Variants in SLC22A12 observed in about 807,000 individuals in gnomAD.
SLC22A12 encodes the protein solute carrier family 22 member 12, also known as organic anion transporter 4-like protein.
Under a neutral mutation model 52.7 loss-of-function variants are expected in SLC22A12, and 56 were observed. The observed-to-expected ratio is 1.06, with a 90% CI of 0.86 to 1.33. SLC22A12 has a LOEUF of 1.33. Among genes scored for constraint, SLC22A12 ranks in the 40% most tolerant of loss-of-function variants. SLC22A12 has a pLI of 0.00. For missense variants in SLC22A12, 683 were observed against 741.5 expected (o/e 0.92, Z 0.92); for synonymous variants, 337 against 324.6 (o/e 1.04, Z -0.41).
At position 64,591,418 on chromosome 11, in the gene SLC22A12, TC is replaced by T; in HGVS notation, c.-138del. ...GAGAGCCTGAGCCTCCGGCCCCGAG[TC>T]TGTGAAGCCTAGCCGCTGGGCTGGA... On this transcript the variant is annotated 5_prime_UTR_variant, in exon 1 of 10. The change abolishes the stop of an existing upstream ORF in the 5' untranslated region. Transcript: ENST00000377574. 1 of 1,165,380 alleles carries T rather than the reference TC, an allele frequency of 8.6e-7. No individual in the cohort carries two copies. Among genetic ancestry groups the T allele is most frequent in the Non-Finnish European group, 1.2e-6 (1 of 822,912 alleles). 72.2% of individuals were successfully genotyped at this position (1,165,380 alleles called of 1,614,324 possible).
Position 64,591,632 on chromosome 11 carries a change from G to T in SLC22A12, c.76G>T (p.Val26Phe). Reference sequence around the variant, plus strand: ...GGTTCTCCAGACGATGGCTCTGATGGTCTCCATCATGTGGCTGTGTACCCA... The same window carrying T: ...GGTTCTCCAGACGATGGCTCTGATGTTCTCCATCATGTGGCTGTGTACCCA... ...FQVLQTMALMVSIMWLCTQSM... is the reference protein window; with the variant it reads ...FQVLQTMALMFSIMWLCTQSM... The change falls in exon 1 of 10, where the codon GTC (valine) becomes TTC (phenylalanine). Residue 26 changes from valine to phenylalanine, a missense_variant. By Grantham distance (50) the Val-to-Phe change is conservative (BLOSUM62 -1). Coordinates refer to ENST00000377574, the MANE Select transcript of SLC22A12 (RefSeq NM_144585.4). 2 of 1,613,230 alleles carry T rather than the reference G, an allele frequency of 1.2e-6. No individual in the cohort carries two copies. The highest frequency in any genetic ancestry group is 1.3e-5 in the African/African-American group (1 of 75,038).
intron 4 of SLC22A12, among the ~76,000 whole-genome samples, chr11:64,595,078 A>ATG (rs2039081145): frequency 2.2e-5 from 1 of 46,276 alleles, no homozygotes; most frequent in Non-Finnish European, 4.4e-5. Context: ...ATGGATGGAT[A>ATG]GATGGATAGA....
chr11:64,597,076 G>A (rs2039270130), intron 4 of SLC22A12, among the ~76,000 whole-genome samples: 1 of 152,124 alleles, frequency 6.6e-6, no homozygotes, highest in Non-Finnish European at 1.5e-5. Context: ...CTGTGCTTAG[G>A]GCTTGACGAA....
chr11:64,592,780 G>A lies in SLC22A12; in HGVS notation c.404G>A (p.Trp135Ter). ...CTCAGCCTCCTCCTCTCCCATCAGT[G>A]GAACCTCGTGTGTGACTCTCATGCT... The part of the protein sequence containing the change: ...SIFTSTIVAK[W>*]NLVCDSHALK... The change falls in exon 2 of 10, where the codon TGG (tryptophan) becomes TAG (stop). Residue 135 changes from tryptophan to a stop codon, truncating the protein, a stop_gained and splice_region_variant. Transcript: ENST00000377574. LOFTEE classifies it high-confidence loss of function. 2 of 1,613,122 alleles carry A rather than the reference G, an allele frequency of 1.2e-6. No individual in the cohort carries two copies. The highest frequency in any genetic ancestry group is 8.5e-7 in the Non-Finnish European group (1 of 1,179,482).
In SLC22A12 at chr11:64,601,571, T is replaced by A. The variant is rs1430476312; in HGVS notation, c.*20T>A. 2.2e-5 allele frequency: 36 copies of A among 1,613,208 alleles called. No individual in the cohort carries two copies. The highest frequency in any genetic ancestry group is 3.1e-5 in the Non-Finnish European group (36 of 1,179,504). ...TTTTAGCCTCCTGGGGAACCTGCGA[T>A]GGGACGGTCAGAGGAAGAGACTTCT... On this transcript the variant is annotated 3_prime_UTR_variant, in exon 10 of 10. Transcript: ENST00000377574.
rs375484950 is a variant in SLC22A12 at position 64,601,674 on chromosome 11, A to T, written c.*123A>T. ...CCAGAGGCTGCCCTCTGAGGTCCCCACTCTCCCCCAGGGCTGCCCCTCCAG... is the reference window on the plus strand; with the variant it reads ...CCAGAGGCTGCCCTCTGAGGTCCCCTCTCTCCCCCAGGGCTGCCCCTCCAG... On this transcript the variant is annotated 3_prime_UTR_variant, in exon 10 of 10. Transcript: ENST00000377574. 352 of 1,094,766 alleles carry T rather than the reference A, an allele frequency of 3.2e-4. 2 individuals carry two copies. In the African/African-American group the frequency reaches 5.3e-3, roughly 16 times the overall value. 67.8% of individuals were successfully genotyped at this position (1,094,766 alleles called of 1,614,324 possible).
rs1039630083 is a variant in SLC22A12, at chr11:64,598,457, C to T, written c.831-59C>T. ...GTACAGGGTAGCAGTCTGAGGCTGG[C>T]GCAGGCCAGGCACTGGGGGCCACAG... is the stretch of plus-strand genomic sequence containing the variant. On this transcript the variant is annotated intron_variant, in intron 4 of 9. Coordinates refer to ENST00000377574, the MANE Select transcript of SLC22A12 (RefSeq NM_144585.4). 169 of 1,547,634 alleles carry T rather than the reference C, an allele frequency of 1.1e-4. No homozygotes were observed. In the Middle Eastern group the frequency reaches 2.5e-3, roughly 22 times the overall value.
Position 64,591,687 on chromosome 11 carries a change from T to A in SLC22A12, c.131T>A (p.Val44Glu). 1 of 1,612,306 alleles carries A rather than the reference T, an allele frequency of 6.2e-7. No individual in the cohort carries two copies. The highest frequency in any genetic ancestry group is 8.5e-7 in the Non-Finnish European group (1 of 1,180,002). ...QSMLENFSAA[V>E]PSHRCWAPLL... ...ATGCTGGAGAACTTCTCGGCCGCCGTGCCCAGCCACCGCTGCTGGGCACCC... is the reference window on the plus strand; with the variant it reads ...ATGCTGGAGAACTTCTCGGCCGCCGAGCCCAGCCACCGCTGCTGGGCACCC... Residue 44 changes from valine (V) to glutamate (E), a missense_variant, in exon 1 of 10, where the codon GTG becomes GAG. Coordinates refer to ENST00000377574, the MANE Select transcript of SLC22A12 (RefSeq NM_144585.4).
intron 7 of SLC22A12, 107 bp downstream of exon 7, chr11:64,599,997 A>G (rs1238806045): frequency 7.2e-7 from 1 of 1,389,190 alleles, no homozygotes; most frequent in African/African-American, 1.4e-5. Context: ...GTACCCTGGT[A>G]GGAAGGAGGC....
Position 64,598,930 on chromosome 11 carries a change from G to A in SLC22A12, c.1070+7G>A, listed in dbSNP as rs374548224. The A allele has an allele frequency of 6.2e-7, 1 of 1,612,362 alleles. No homozygotes were observed. Among genetic ancestry groups the A allele is most frequent in the Non-Finnish European group, 8.5e-7 (1 of 1,179,890 alleles). On this transcript the variant is annotated splice_region_variant and intron_variant, in intron 6 of 9. Transcript: ENST00000377574. ...GTATCTCCACGTTGTGCTGGTAGATGCCCTTCCCCCAACCCCACCTCCACA... is the reference window on the plus strand; with the variant it reads ...GTATCTCCACGTTGTGCTGGTAGATACCCTTCCCCCAACCCCACCTCCACA...
Position 64,592,821 on chromosome 11 carries a change from C to T in SLC22A12, c.445C>T (p.Gln149Ter). The T allele has an allele frequency of 1.2e-6, 2 of 1,613,956 alleles. No individual in the cohort carries two copies. The highest frequency in any genetic ancestry group is 1.7e-6 in the Non-Finnish European group (2 of 1,179,982). ...CTCTCATGCTCTGAAGCCCATGGCC[C>T]AGTCCATCTACCTGGCTGGGATTCT... ...CDSHALKPMA[Q>*]SIYLAGILVG... The change falls in exon 2 of 10, where the codon CAG becomes TAG. Residue 149 changes from glutamine (Q) to a stop codon, truncating the protein, a stop_gained. Transcript: ENST00000377574. LOFTEE classifies it high-confidence loss of function.
Position 64,593,504 on chromosome 11 carries a change from C to T in SLC22A12, c.606C>T (p.Phe202=). 6.2e-7 allele frequency: 1 copy of T among 1,614,200 alleles called. No homozygotes were observed. Among genetic ancestry groups the T allele is most frequent in the African/African-American group, 1.3e-5 (1 of 75,078 alleles). The change falls in exon 3 of 10, where the codon TTC becomes TTT. Residue 202 remains phenylalanine (F), a synonymous_variant. Coordinates refer to ENST00000377574, the MANE Select transcript of SLC22A12 (RefSeq NM_144585.4). ...FAPAFPVYCL[F]RFLLAFAVAG... Reference sequence around the variant, plus strand: ...CTGCCTTCCCCGTGTACTGCCTGTTCCGCTTCCTGTTGGCCTTTGCCGTGG... The same window carrying T: ...CTGCCTTCCCCGTGTACTGCCTGTTTCGCTTCCTGTTGGCCTTTGCCGTGG...
chr11:64,592,687 C>G, intron 1 of SLC22A12, 92 bp from the exon 2 acceptor site: 1 of 1,061,954 alleles, frequency 9.4e-7, no homozygotes, highest in Non-Finnish European at 1.5e-6. Context: ...CCCACCGCAC[C>G]CAGCTCCCTG....
Position 64,600,882 on chromosome 11 carries a change from T to G in SLC22A12, c.1542T>G (p.Leu514=). The change falls in exon 9 of 10, where the codon CTT becomes CTG. Residue 514 remains leucine (L), a synonymous_variant. Coordinates refer to ENST00000377574, the MANE Select transcript of SLC22A12 (RefSeq NM_144585.4). ...TGCTGAGTGGCCTGGCCGCACTGCTTCTGCCCGAGACCCAGAGCTTGCCGC... is the reference window on the plus strand; with the variant it reads ...TGCTGAGTGGCCTGGCCGCACTGCTGCTGCCCGAGACCCAGAGCTTGCCGC... The part of the protein sequence containing the change: ...VPVLSGLAAL[L]LPETQSLPLP... 6.2e-7 allele frequency: 1 copy of G among 1,609,642 alleles called. No homozygotes were observed. The highest frequency in any genetic ancestry group is 1.3e-5 in the African/African-American group (1 of 74,992).
rs565805457 is a variant in SLC22A12 at position 64,599,775 on chromosome 11, C to A, written c.1170C>A (p.Ile390=). The change falls in exon 7 of 10, where the codon ATC becomes ATA. Residue 390 remains isoleucine (I), a synonymous_variant. Transcript: ENST00000377574. ...AAATGTTCATTGGTGTCGTGGACAT[C>A]CCAGCCAAGATGGGCGCCCTGCTGC... ...LLQMFIGVVD[I]PAKMGALLLL... is the part of the protein sequence containing the mutation. The A allele has an allele frequency of 6.2e-7, 1 of 1,612,944 alleles. No homozygotes were observed. The highest frequency in any genetic ancestry group is 2.2e-5 in the East Asian group (1 of 44,860).
Position 64,591,848 on chromosome 11 carries a change from C to T in SLC22A12, c.292C>T (p.Leu98Phe), listed in dbSNP as rs930110938. ...CCGCTTCCGCCAGCCACAGTGGCAG[C>T]TCTTGGACCCCAATGCCACGGCCAC... is the stretch of plus-strand genomic sequence containing the variant. Reference protein sequence around the residue: ...CRRFRQPQWQLLDPNATATSW... With the variant: ...CRRFRQPQWQFLDPNATATSW... The change falls in exon 1 of 10, where the codon CTC (leucine) becomes TTC (phenylalanine). Residue 98 changes from leucine to phenylalanine, a missense_variant. Physicochemically the swap from Leu to Phe is conservative, Grantham distance 22 (BLOSUM62 0). Coordinates refer to ENST00000377574, the MANE Select transcript of SLC22A12 (RefSeq NM_144585.4). 6 of 1,612,292 alleles carry T rather than the reference C, an allele frequency of 3.7e-6. No individual in the cohort carries two copies. The East Asian group carries it at 1.1e-4, about 30-fold the overall frequency.
At chr11:64,597,491 AGTCACAGT>A (rs2039285548) in intron 4 of SLC22A12, among the ~76,000 whole-genome samples, 1 of 152,072 alleles carries the variant, frequency 6.6e-6, no homozygotes, top group Admixed American at 6.5e-5. Context: ...AACTCACCAG[AGTCACAGT>A]GGCCATGACG....
rs2038996690 is a variant in SLC22A12, at chr11:64,593,721, G to A, written c.748G>A (p.Ala250Thr). 1 of 1,613,944 alleles carries A rather than the reference G, an allele frequency of 6.2e-7. No homozygotes were observed. The highest frequency in any genetic ancestry group is 8.5e-7 in the Non-Finnish European group (1 of 1,180,032). ...GFSFGHGLTA[A>T]VAYGVRDWTL... ...CAGCTTCGGCCATGGCCTGACAGCT[G>A]CAGTGGCCTACGGTGTGCGGGACTG... The change falls in exon 4 of 10, where the codon GCA (alanine) becomes ACA (threonine). Residue 250 changes from alanine to threonine, a missense_variant. Coordinates refer to ENST00000377574, the MANE Select transcript of SLC22A12 (RefSeq NM_144585.4).
chr11:64,601,015 C>T, intron 9 of SLC22A12, 77 bp downstream of exon 9: 1 of 1,557,424 alleles, frequency 6.4e-7, no homozygotes, highest in Middle Eastern at 2.2e-4. Flanking sequence ...CTCACCCATC[C>T]CCATCACTTG....
Sources: allele counts gnomAD v4.1 joint callset (sites outside exome capture counted in the v4.1 genomes callset), GRCh38; gene constraint gnomAD v4.1.1; transcripts MANE v1.5; gene names NCBI Gene and HGNC (gene_info 2026-07-23, HGNC 2026-07-21).